Variants in CNN3 observed in about 807,000 individuals in gnomAD.
The protein encoded by CNN3 is calponin 3.
CNN3 carries 11 observed loss-of-function variants against 39.0 expected under a neutral mutation model. The ratio of observed to expected loss-of-function variants is 0.28; its 90% CI spans 0.18 to 0.47. The LOEUF (loss-of-function observed/expected upper bound fraction) is 0.47, where lower values mean the gene tolerates loss of function less well. Among genes scored for constraint, CNN3 ranks in the 20% least tolerant of loss-of-function variants. The pLI, the probability that CNN3 is intolerant of heterozygous loss-of-function variation, is 0.99. For missense variants in CNN3, 266 were observed against 403.4 expected, an observed-to-expected ratio of 0.66 and a Z score of 2.92; for synonymous variants, 101 against 138.3, an observed-to-expected ratio of 0.73 and a Z score of 1.89.
At chr1:94,909,322 A>G (rs1431163081) in intron 1 of CNN3, among the ~76,000 whole-genome samples, 1 of 152,236 alleles carries the variant, frequency 6.6e-6, no homozygotes, top group Admixed American at 6.5e-5. Context: ...ACTCTACCCA[A>G]CAAAATCTTA....
At chr1:94,913,554 C>G (rs2101732159) in intron 1 of CNN3, among the ~76,000 whole-genome samples, 1 of 152,336 alleles carries the variant, frequency 6.6e-6, no homozygotes. Context: ...ATGATCAATT[C>G]TGAGTGATGC....
chr1:94,906,678 A>C (rs1671008139), intron 1 of CNN3, among the ~76,000 whole-genome samples: 1 of 151,842 alleles, frequency 6.6e-6, no homozygotes. Flanking sequence ...GTCCGTTCCT[A>C]CTCTCAGCTA....
intron 5 of CNN3, among the ~76,000 whole-genome samples, 184 bp from the exon 6 acceptor site, chr1:94,899,701 AT>A (rs3216025): frequency 0.51 from 77,147 of 152,020 alleles, 20,864 homozygotes; most frequent in Non-Finnish European, 0.61. Flanking sequence ...TAAAAAGAAA[AT>A]TTTAAAGTCA....
chr1:94,926,803 C>T lies in CNN3; in HGVS notation c.57+35G>A, dbSNP rs1183314841. On this transcript the variant is annotated intron_variant, in intron 1 of 6. Coordinates refer to ENST00000370206, the MANE Select transcript of CNN3 (RefSeq NM_001839.5). This position sits in a 1 kb window ranked among gnomAD's most constrained non-coding sequence, Gnocchi z 4.2. ...AGCGCCAGGCCAGCCCAAGGGTGCC[C>T]CGGGGGCCCCCGCGCCCGCCCGAGC... 2.5e-6 allele frequency: 4 copies of T among 1,600,830 alleles called. No homozygotes were observed. Among genetic ancestry groups the T allele is most frequent in the Non-Finnish European group, 2.6e-6 (3 of 1,173,710 alleles).
At chr1:94,917,193 T>C (rs957049019) in intron 1 of CNN3, among the ~76,000 whole-genome samples, 21 of 152,146 alleles carry the variant, frequency 1.4e-4, no homozygotes, top group African/African-American at 4.8e-4. Flanking sequence ...TGCGCCACCA[T>C]GCCTGGCTAA....
chr1:94,898,479 G>A (rs1670781161), intron 6 of CNN3, among the ~76,000 whole-genome samples: 1 of 152,024 alleles, frequency 6.6e-6, no homozygotes, highest in Admixed American at 6.6e-5. Flanking sequence ...ATGCCCATGG[G>A]GACCACATAC....
rs1670745552 is a variant in CNN3, at chr1:94,897,172, G to C, written c.*570C>G. ...ACACCACTCTGAAAAGATCTTGTTC[G>C]CTAGGTAAGAGAATGAGTACACATA... is the stretch of plus-strand genomic sequence containing the variant. On this transcript the variant is annotated 3_prime_UTR_variant, in exon 7 of 7. Transcript: ENST00000370206. The C allele has an allele frequency of 6.5e-6, 1 of 152,834 alleles. No homozygotes were observed. The highest frequency in any genetic ancestry group is 1.5e-5 in the Non-Finnish European group (1 of 68,136). 9.5% of individuals were successfully genotyped at this position (152,834 alleles called of 1,614,324 possible).
chr1:94,900,878 G>A (rs1670844855), intron 5 of CNN3, among the ~76,000 whole-genome samples: 1 of 152,140 alleles, frequency 6.6e-6, no homozygotes, highest in Admixed American at 6.5e-5. Flanking sequence ...TTGGCATTAA[G>A]GTCGTGTAAA....
At position 94,927,097 on chromosome 1, in the gene CNN3, C is replaced by T; in HGVS notation, c.-203G>A. 1 of 499,836 alleles carries T rather than the reference C, an allele frequency of 2.0e-6. No individual in the cohort carries two copies. The highest frequency in any genetic ancestry group is 3.5e-6 in the Non-Finnish European group (1 of 286,878). The allele number at this position is 499,836 out of a possible 1,614,324, so 31.0% of individuals were successfully genotyped here. On this transcript the variant is annotated 5_prime_UTR_variant, in exon 1 of 7. Coordinates refer to ENST00000370206, the MANE Select transcript of CNN3 (RefSeq NM_001839.5). ...TGCTACAGAGCCTCGAGCTCCGCTG[C>T]GAAGCACCCGGCTGCCTCGCTCGCC...
chr1:94,906,858 AT>A (rs1240912690), intron 1 of CNN3, among the ~76,000 whole-genome samples: 23 of 152,242 alleles, frequency 1.5e-4, no homozygotes, highest in African/African-American at 4.8e-4. Flanking sequence ...TTAAAAGCAT[AT>A]TTATGCATCC....
At chr1:94,919,721 C>T (rs1671390405) in intron 1 of CNN3, among the ~76,000 whole-genome samples, 1 of 152,160 alleles carries the variant, frequency 6.6e-6, no homozygotes, top group South Asian at 2.1e-4. Context: ...GGGGAAATAA[C>T]CATAAATGCT....
chr1:94,903,692 TAA>T (rs1490113037), intron 1 of CNN3, among the ~76,000 whole-genome samples, 168 bp from the exon 2 acceptor site: 1 of 150,932 alleles, frequency 6.6e-6, no homozygotes, highest in East Asian at 1.9e-4. Context: ...CTTCAGTAAC[TAA>T]TAACAAATTT....
intron 1 of CNN3, among the ~76,000 whole-genome samples, chr1:94,906,171 C>T (rs859052): frequency 0.47 from 71,599 of 151,702 alleles, 18,719 homozygotes; most frequent in Non-Finnish European, 0.59. Context: ...TTAGCAGAGA[C>T]GGGGTTTCAC....
At chr1:94,911,191 C>T (rs1255757010) in intron 1 of CNN3, among the ~76,000 whole-genome samples, 1 of 152,152 alleles carries the variant, frequency 6.6e-6, no homozygotes, top group African/African-American at 2.4e-5. Flanking sequence ...CTTGAGGTCA[C>T]CACAGAATCT....
intron 1 of CNN3, among the ~76,000 whole-genome samples, chr1:94,913,501 C>A (rs924772258): frequency 6.6e-6 from 1 of 152,172 alleles, no homozygotes; most frequent in African/African-American, 2.4e-5. Flanking sequence ...AGTTACCAAT[C>A]CCAGTGTACT....
chr1:94,906,105 C>G (rs1670993195), intron 1 of CNN3, among the ~76,000 whole-genome samples: 6 of 152,160 alleles, frequency 3.9e-5, no homozygotes, highest in Admixed American at 3.9e-4. Flanking sequence ...GCCTCGGCCT[C>G]CCGAATAGCT....
At chr1:94,925,963 T>A (rs1382036171) in intron 1 of CNN3, among the ~76,000 whole-genome samples, 1 of 152,104 alleles carries the variant, frequency 6.6e-6, no homozygotes, top group East Asian at 1.9e-4. Context: ...GCCTCTCATC[T>A]CTTTCCCAGG....
At chr1:94,906,992 C>A (rs1425421076) in intron 1 of CNN3, among the ~76,000 whole-genome samples, 1 of 152,160 alleles carries the variant, frequency 6.6e-6, no homozygotes, top group African/African-American at 2.4e-5. Flanking sequence ...GTTGACAGTT[C>A]TTGTCAAGGA....
intron 1 of CNN3, among the ~76,000 whole-genome samples, chr1:94,918,318 C>T (rs1300072368): frequency 6.6e-6 from 1 of 151,756 alleles, no homozygotes; most frequent in South Asian, 2.1e-4. Flanking sequence ...CATAGTGAAA[C>T]CCCGACTGTA....
Sources: gnomAD v4.1 joint callset for allele counts (sites outside exome capture counted in the v4.1 genomes callset) on GRCh38, gnomAD v4.1.1 for gene constraint, Gnocchi (gnomAD v3.1) non-coding constraint, MANE v1.5 for transcripts, NCBI Gene and HGNC (gene_info 2026-07-23, HGNC 2026-07-21) for gene names.